Variants in XRRA1 observed in about 807,000 individuals in gnomAD.
The protein encoded by XRRA1 is X-ray radiation resistance-associated protein 1.
Under a neutral mutation model 80.2 loss-of-function variants are expected in XRRA1, and 69 were observed. That is an observed-to-expected ratio of 0.86 (90% CI 0.71 to 1.05). The LOEUF (loss-of-function observed/expected upper bound fraction) is 1.05, where lower values mean the gene tolerates loss of function less well. Ranked by LOEUF, XRRA1 falls within the 50% of genes least tolerant of loss-of-function variation. The pLI is 0.00. For synonymous variants in XRRA1, 348 were observed against 389.9 expected (o/e 0.89, Z 1.27); for missense variants, 967 against 976.4 (o/e 0.99, Z 0.13).
At chr11:74,850,764 G>A (rs3741121) in intron 14 of XRRA1, 2,329 of 165,474 alleles carry the variant, frequency 0.014, 110 homozygotes, top group Admixed American at 0.1. Flanking sequence ...TCAAACTCCT[G>A]CCCTCAAGCG....
At chr11:74,872,732 C>A (rs566384174) in intron 10 of XRRA1, among the ~76,000 whole-genome samples, 58 of 152,162 alleles carry the variant, frequency 3.8e-4, no homozygotes, top group African/African-American at 1.4e-3. Context: ...GGGTTCAGAC[C>A]CCTGGCTCCA....
chr11:74,854,633 A>G (rs1220832887), intron 12 of XRRA1, among the ~76,000 whole-genome samples: 2 of 152,328 alleles, frequency 1.3e-5, no homozygotes, highest in South Asian at 4.1e-4. Context: ...AAATGTAAAC[A>G]CCACTCTTAG....
chr11:74,912,203 G>A (rs1384857788), intron 8 of XRRA1, among the ~76,000 whole-genome samples: 1 of 152,154 alleles, frequency 6.6e-6, no homozygotes, highest in Non-Finnish European at 1.5e-5. Flanking sequence ...TTATAGTGTT[G>A]CAAACTAAAT....
At chr11:74,892,713 AAAAC>A (rs1277100255) in intron 10 of XRRA1, among the ~76,000 whole-genome samples, 34 of 152,294 alleles carry the variant, frequency 2.2e-4, no homozygotes, top group South Asian at 4.1e-4. Context: ...TTACAAGAAA[AAAAC>A]AAACAACCCC....
rs1371079748 is a variant in XRRA1 at position 74,842,424 on chromosome 11, ATAG to A, written c.*773_*775del. ...ACTCATGAAAGTGGATGTTCTGTTT[ATAG>A]TCAGAGTCTTGTCTCTGGTGAACAA... On this transcript the variant is annotated 3_prime_UTR_variant, in exon 19 of 19. Transcript: ENST00000684022. The A allele has an allele frequency of 6.6e-5, 10 of 152,396 alleles. No homozygotes were observed. In the East Asian group the frequency reaches 1.9e-3, roughly 29 times the overall value. The allele number at this position is 152,396 out of a possible 1,614,324, so 9.4% of individuals were successfully genotyped here.
chr11:74,921,206 G>A lies in XRRA1; in HGVS notation c.656+8C>T, dbSNP rs143742522. 4.3e-6 allele frequency: 7 copies of A among 1,613,450 alleles called. No individual in the cohort carries two copies. In the African/African-American group the frequency reaches 8.0e-5, roughly 18 times the overall value. ...AACACAGAATGGACTCCAGGAGGTAGAACTTACTGTTCTGCGACGGCCAAA... is the reference window on the plus strand; with the variant it reads ...AACACAGAATGGACTCCAGGAGGTAAAACTTACTGTTCTGCGACGGCCAAA... On this transcript the variant is annotated splice_region_variant and intron_variant, in intron 8 of 18. Coordinates refer to ENST00000684022, the MANE Select transcript of XRRA1 (RefSeq NM_001378157.1).
Position 74,845,274 on chromosome 11 carries a change from G to A in XRRA1, c.1729-3C>T, listed in dbSNP as rs369750823. ...ACGGAGGAAGGCAGTTCACTCACCTGTGCCCAGGAAGAAAACGCATTCATT... is the reference window on the plus strand; with the variant it reads ...ACGGAGGAAGGCAGTTCACTCACCTATGCCCAGGAAGAAAACGCATTCATT... On this transcript the variant is annotated splice_polypyrimidine_tract_variant and splice_region_variant and intron_variant, in intron 15 of 18. Transcript: ENST00000684022. 1 of 1,609,066 alleles carries A rather than the reference G, an allele frequency of 6.2e-7. No homozygotes were observed. The highest frequency in any genetic ancestry group is 1.3e-5 in the African/African-American group (1 of 74,764).
At chr11:74,918,135 A>C (rs1591397861) in intron 8 of XRRA1, among the ~76,000 whole-genome samples, 2 of 152,316 alleles carry the variant, frequency 1.3e-5, no homozygotes, top group East Asian at 1.9e-4. Context: ...AGACCACATC[A>C]GTTAAAGAAC....
At chr11:74,848,556 G>T in intron 14 of XRRA1, 94 bp from the exon 15 acceptor site, 1 of 1,177,112 alleles carries the variant, frequency 8.5e-7, no homozygotes, top group African/African-American at 1.5e-5. Flanking sequence ...ATAGCAGCCG[G>T]AGTGCTGGGT....
chr11:74,934,168 A>G (rs1461113245), intron 4 of XRRA1, among the ~76,000 whole-genome samples: 1 of 152,230 alleles, frequency 6.6e-6, no homozygotes, highest in Non-Finnish European at 1.5e-5. Flanking sequence ...AAACAAGGTT[A>G]AGAGAAGTTA....
chr11:74,914,708 C>CA (rs1028419754), intron 8 of XRRA1, among the ~76,000 whole-genome samples: 3 of 137,794 alleles, frequency 2.2e-5, no homozygotes, highest in Non-Finnish European at 4.8e-5. Context: ...TGCAGATAAC[C>CA]TTTTTTTTTT....
chr11:74,941,002 C>T lies in XRRA1; in HGVS notation c.-4-120G>A, dbSNP rs78741462. 4.0e-3 allele frequency: 2,777 copies of T among 691,784 alleles called. 47 individuals are homozygous for T. Among genetic ancestry groups the T allele is most frequent in the African/African-American group, 0.037 (2,055 of 56,200 alleles). The allele number at this position is 691,784 out of a possible 1,614,324, so 42.9% of individuals were successfully genotyped here. A position where few individuals can be genotyped will look rare whatever the true frequency, so the allele number is the denominator to read the frequency against. On this transcript the variant is annotated intron_variant, in intron 2 of 18. Transcript: ENST00000684022. The stretch of plus-strand genomic sequence containing the variant: ...ACCACACCCGCACACACCCTGCCTC[C>T]GACACCCTGGAGGCCCCACTGCCCT...
At chr11:74,863,141 A>G (rs2042665686) in intron 10 of XRRA1, 120 bp from the exon 11 acceptor site, 3 of 901,394 alleles carry the variant, frequency 3.3e-6, no homozygotes, top group East Asian at 5.3e-5. Context: ...GGGAGTTCTC[A>G]TTGGTCCTCA....
At chr11:74,888,172 C>G (rs1028048229) in intron 10 of XRRA1, among the ~76,000 whole-genome samples, 47 of 152,180 alleles carry the variant, frequency 3.1e-4, no homozygotes, top group African/African-American at 1.1e-3. Flanking sequence ...AGGCACCCCC[C>G]AGTAGGGGCA....
rs759993170 is a variant in XRRA1, at chr11:74,863,161, C to G, written c.1004-140G>C. On this transcript the variant is annotated intron_variant, in intron 10 of 18. Transcript: ENST00000684022. ...TTCTCATTGGTCCTCAGCCCCAGTGCTAACTAGGAAGAGGAGCTGGCTGTG... is the reference window on the plus strand; with the variant it reads ...TTCTCATTGGTCCTCAGCCCCAGTGGTAACTAGGAAGAGGAGCTGGCTGTG... The G allele has an allele frequency of 3.9e-5, 30 of 765,536 alleles. No individual in the cohort carries two copies. The African/African-American group carries it at 4.7e-4, about 12-fold the overall frequency. 47.4% of individuals were successfully genotyped at this position (765,536 alleles called of 1,614,324 possible). A position where few individuals can be genotyped will look rare whatever the true frequency, so the allele number is the denominator to read the frequency against.
intron 10 of XRRA1, among the ~76,000 whole-genome samples, chr11:74,882,238 T>C (rs1169108121): frequency 6.6e-6 from 1 of 151,708 alleles, no homozygotes; most frequent in African/African-American, 2.4e-5. Context: ...TAAACTTCCC[T>C]TCTCGCTTCA....
chr11:74,902,560 A>T (rs1483856304), intron 10 of XRRA1, among the ~76,000 whole-genome samples: 1 of 152,262 alleles, frequency 6.6e-6, no homozygotes. Flanking sequence ...TGTGGTACAT[A>T]TATACAATGG....
chr11:74,937,194 A>C, intron 3 of XRRA1, 126 bp from the exon 4 acceptor site: 1 of 974,328 alleles, frequency 1.0e-6, no homozygotes, highest in Admixed American at 2.9e-5. Flanking sequence ...ACCAGATACA[A>C]TACTGCAGCT....
intron 15 of XRRA1, 113 bp downstream of exon 15, chr11:74,848,002 A>T: frequency 2.1e-6 from 2 of 963,222 alleles, no homozygotes; most frequent in Non-Finnish European, 3.0e-6. Context: ...TCTTGTTTCC[A>T]GACCTGCCAT....
Sources: allele counts gnomAD v4.1 joint callset (sites outside exome capture counted in the v4.1 genomes callset), GRCh38; gene constraint gnomAD v4.1.1; transcripts MANE v1.5; gene names NCBI Gene and HGNC (gene_info 2026-07-23, HGNC 2026-07-21).